The following PLCG2 variants were observed in gnomAD, a reference collection of about 807,000 sequenced individuals.
PLCG2 encodes phospholipase C gamma 2.
A neutral mutation model predicts 175.6 loss-of-function variants in PLCG2; 69 were observed. The observed-to-expected ratio is 0.39, with a 90% CI of 0.32 to 0.48. The LOEUF is 0.48. PLCG2 is among the 20% of genes least tolerant of loss of function. The probability of loss-of-function intolerance (pLI) is 0.91; values close to 1 mark genes in which losing one functional copy is unlikely to be tolerated. For missense variants in PLCG2, 1,798 were observed against 1,650.9 expected (o/e 1.09, Z -1.54); for synonymous variants, 827 against 624.0 (o/e 1.33, Z -4.85).
chr16:81,957,775 T>C (rs1236851691), intron 32 of PLCG2, among the ~76,000 whole-genome samples, 181 bp from the exon 33 acceptor site: 6 of 152,256 alleles, frequency 3.9e-5, no homozygotes, highest in African/African-American at 1.4e-4. Context: ...ATTGAGGAGA[T>C]TTAACCTCTC....
At chr16:81,922,136 A>G (rs1003106693) in intron 21 of PLCG2, among the ~76,000 whole-genome samples, 5 of 152,122 alleles carry the variant, frequency 3.3e-5, no homozygotes, top group Admixed American at 6.5e-5. Flanking sequence ...CTCTGTTTGC[A>G]GGTGGGGGAG....
rs1419110190 is a variant in PLCG2, at chr16:81,817,561, C to T, written c.193+31379C>T. 3.9e-5 allele frequency among the ~76,000 whole-genome samples: 6 copies of T among 152,178 alleles called. No individual in the cohort carries two copies. In the East Asian group the frequency reaches 9.6e-4, roughly 24 times the overall value. Reference sequence around the variant, plus strand: ...GTAAACACAAGTGATAAAACAAGAGCCCTCAAACTGCACCTGGCCTTCCAG... The same window carrying T: ...GTAAACACAAGTGATAAAACAAGAGTCCTCAAACTGCACCTGGCCTTCCAG... On this transcript the variant is annotated intron_variant, in intron 2 of 32. Coordinates refer to ENST00000564138, the MANE Select transcript of PLCG2 (RefSeq NM_002661.5).
At chr16:81,955,743 A>G (rs1348827679) in intron 31 of PLCG2, among the ~76,000 whole-genome samples, 1 of 152,190 alleles carries the variant, frequency 6.6e-6, no homozygotes, top group Non-Finnish European at 1.5e-5. Flanking sequence ...CACCAACGAA[A>G]GTCCCACGGA....
In PLCG2 at chr16:81,893,699, T is replaced by A. The variant is rs1472426041; in HGVS notation, c.987-10T>A. On this transcript the variant is annotated splice_polypyrimidine_tract_variant and intron_variant, in intron 11 of 32. Coordinates refer to ENST00000564138, the MANE Select transcript of PLCG2 (RefSeq NM_002661.5). ...CACTCTCACACGGCCACCTGCCTTC[T>A]CTCCTGCAGGTACCTTACAGGTGAC... 1.3e-6 allele frequency: 2 copies of A among 1,594,142 alleles called. No individual in the cohort carries two copies. Among genetic ancestry groups the A allele is most frequent in the Admixed American group, 3.3e-5 (2 of 59,944 alleles).
intron 2 of PLCG2, among the ~76,000 whole-genome samples, chr16:81,771,398 G>C (rs1434420269): frequency 6.6e-6 from 1 of 152,172 alleles, no homozygotes; most frequent in Non-Finnish European, 1.5e-5. Flanking sequence ...GATGAGTTTT[G>C]TGAAACACAG....
chr16:81,871,623 C>A (rs1907520411), intron 7 of PLCG2, among the ~76,000 whole-genome samples: 1 of 152,124 alleles, frequency 6.6e-6, no homozygotes, highest in African/African-American at 2.4e-5. Context: ...CAGGTGTGAG[C>A]CACTGTGCCC....
At chr16:81,840,008 G>A (rs1905735826) in intron 2 of PLCG2, among the ~76,000 whole-genome samples, 3 of 152,208 alleles carry the variant, frequency 2.0e-5, no homozygotes, top group Admixed American at 2.0e-4. Flanking sequence ...AGTGAGCTGT[G>A]ATTGTGCCAC....
At chr16:81,923,624 G>A (rs1174169636) in intron 22 of PLCG2, 30 bp downstream of exon 22, 1 of 1,368,838 alleles carries the variant, frequency 7.3e-7, no homozygotes, top group East Asian at 2.3e-5. Context: ...GGGCTGCTCG[G>A]CAGGTGGGCT....
At chr16:81,933,796 T>A (rs1481845560) in intron 25 of PLCG2, among the ~76,000 whole-genome samples, 1 of 152,182 alleles carries the variant, frequency 6.6e-6, no homozygotes, top group East Asian at 1.9e-4. Flanking sequence ...TCTGATAGAA[T>A]TTGGGGAGGC....
chr16:81,757,821 C>A (rs935541622), intron 2 of PLCG2, among the ~76,000 whole-genome samples: 3 of 152,014 alleles, frequency 2.0e-5, no homozygotes, highest in African/African-American at 7.2e-5. Flanking sequence ...CTCCCTATAC[C>A]CCCTTCCCCC....
chr16:81,786,801 G>A (rs540433984), intron 2 of PLCG2, among the ~76,000 whole-genome samples: 4 of 152,288 alleles, frequency 2.6e-5, no homozygotes, highest in Non-Finnish European at 5.9e-5. Context: ...ATTTTCAGTT[G>A]CAAATATTTG....
chr16:81,836,972 T>C (rs1905550934), intron 2 of PLCG2, among the ~76,000 whole-genome samples: 1 of 152,174 alleles, frequency 6.6e-6, no homozygotes, highest in African/African-American at 2.4e-5. Context: ...CCTGTTTGGT[T>C]TTCTCTGAAG....
In PLCG2 at chr16:81,961,803, C is replaced by G. The variant is rs889510097; in HGVS notation, c.*3805C>G. On this transcript the variant is annotated 3_prime_UTR_variant, in exon 33 of 33. Transcript: ENST00000564138. ...TTAAACATGTAGTGTCTACGGTATG[C>G]CAGCACTTTGCAGCTATTTATAATG... 3.4e-5 allele frequency: 7 copies of G among 203,090 alleles called. No homozygotes were observed. Among genetic ancestry groups the G allele is most frequent in the African/African-American group, 1.4e-4 (6 of 43,610 alleles). The allele number at this position is 203,090 out of a possible 1,614,324, so 12.6% of individuals were successfully genotyped here. A position where few individuals can be genotyped will look rare whatever the true frequency, so the allele number is the denominator to read the frequency against.
chr16:81,939,590 C>T (rs1910854524), intron 29 of PLCG2, among the ~76,000 whole-genome samples: 1 of 147,124 alleles, frequency 6.8e-6, no homozygotes, highest in Non-Finnish European at 1.5e-5. Flanking sequence ...CCAAAATCCA[C>T]CTTCCTGCTC....
At chr16:81,941,276 T>C (rs904465955) in intron 30 of PLCG2, among the ~76,000 whole-genome samples, 1 of 152,170 alleles carries the variant, frequency 6.6e-6, no homozygotes, top group African/African-American at 2.4e-5. Flanking sequence ...CCTGTAATCA[T>C]AATCCCAGCT....
At chr16:81,858,163 A>T in intron 3 of PLCG2, 100 bp from the exon 4 acceptor site, 1 of 837,092 alleles carries the variant, frequency 1.2e-6, no homozygotes, top group Non-Finnish European at 2.1e-6. Flanking sequence ...AAACCAGCAT[A>T]GGCTTCTCCC....
rs533052191 is a variant in PLCG2 at position 81,752,027 on chromosome 16, A to C, written c.-144-3843A>C. Reference sequence around the variant, plus strand: ...ACAAAGCAAGAGTCTATCTCAAAAAATAAATATAAAAAAAATATAATATAT... The same window carrying C: ...ACAAAGCAAGAGTCTATCTCAAAAACTAAATATAAAAAAAATATAATATAT... On this transcript the variant is annotated intron_variant, in intron 1 of 5. Transcript: ENST00000565054. 7.9e-4 allele frequency among the ~76,000 whole-genome samples: 120 copies of C among 151,532 alleles called. 1 individual carries two copies. The highest frequency in any genetic ancestry group is 2.7e-3 in the African/African-American group (114 of 41,460).
At chr16:81,855,359 T>C (rs1174656232) in intron 3 of PLCG2, among the ~76,000 whole-genome samples, 1 of 152,240 alleles carries the variant, frequency 6.6e-6, no homozygotes, top group Non-Finnish European at 1.5e-5. Flanking sequence ...GTATCTACTT[T>C]CAAGTTCAGT....
intron 2 of PLCG2, among the ~76,000 whole-genome samples, chr16:81,756,376 C>T (rs1045434667): frequency 1.3e-5 from 2 of 152,226 alleles, no homozygotes; most frequent in African/African-American, 4.8e-5. Context: ...TAAGATTTAT[C>T]TCCTTTAATC....
Sources: gnomAD v4.1 joint callset for allele counts (sites outside exome capture counted in the v4.1 genomes callset) on GRCh38, gnomAD v4.1.1 for gene constraint, MANE v1.5 for transcripts, NCBI Gene and HGNC (gene_info 2026-07-23, HGNC 2026-07-21) for gene names.